Variants in PCDHGA6 observed in about 807,000 individuals in gnomAD.
PCDHGA6 encodes protocadherin gamma subfamily A, 6.
In PCDHGA6, 41 loss-of-function variants were observed where a neutral mutation model predicts 60.6. The observed-to-expected ratio is 0.68, with a 90% CI of 0.53 to 0.88. The LOEUF is 0.88. Ranked by LOEUF, PCDHGA6 falls within the 40% of genes least tolerant of loss-of-function variation. PCDHGA6 has a pLI of 0.00. For missense variants in PCDHGA6, 1,312 were observed against 1,203.0 expected, an observed-to-expected ratio of 1.09 and a Z score of -1.34; for synonymous variants, 594 against 524.4, an observed-to-expected ratio of 1.13 and a Z score of -1.81.
rs778960850 is a variant in PCDHGA6, at chr5:141,389,261, G to A, written c.2424+12754G>A. 2.0e-5 allele frequency: 32 copies of A among 1,613,890 alleles called. No homozygotes were observed. The East Asian group carries it at 7.1e-4, about 36-fold the overall frequency. ...CACAGTCTTCCTATATAGTCCACGT[G>A]GCCGAGAACAACCCGCCTGGAGCCT... On this transcript the variant is annotated intron_variant, in intron 1 of 3. Coordinates refer to ENST00000517434, the MANE Select transcript of PCDHGA6 (RefSeq NM_018919.3).
intron 1 of PCDHGA6, chr5:141,388,093 C>T: frequency 7.3e-7 from 1 of 1,371,560 alleles, no homozygotes; most frequent in South Asian, 1.3e-5. Context: ...CGCGTCAGTT[C>T]GGAGAAGCCT....
intron 1 of PCDHGA6, chr5:141,409,054 T>TA: frequency 6.2e-7 from 1 of 1,614,028 alleles, no homozygotes; most frequent in African/African-American, 1.3e-5. Flanking sequence ...TCCGAAGCAC[T>TA]GCCCAGAGCA....
At chr5:141,414,290 T>C (rs781378958) in intron 1 of PCDHGA6, 1 of 1,613,272 alleles carries the variant, frequency 6.2e-7, no homozygotes, top group Admixed American at 1.7e-5. Context: ...GTCGTAGCCC[T>C]TTTAAATGTG....
rs1308930168 is a variant in PCDHGA6, at chr5:141,489,620, A to G, written c.2425-5187A>G. 2.5e-6 allele frequency: 4 copies of G among 1,614,058 alleles called. No individual in the cohort carries two copies. Among genetic ancestry groups the G allele is most frequent in the South Asian group, 2.2e-5 (2 of 91,072 alleles). The stretch of plus-strand genomic sequence containing the variant: ...GTAGAGGTAGAGATCCTGGATCTCA[A>G]TGACAACTCTCCTAGCTTTGCCACC... On this transcript the variant is annotated intron_variant, in intron 1 of 3. Transcript: ENST00000517434. This position sits in a 1 kb window ranked among gnomAD's most constrained non-coding sequence, Gnocchi z 4.5.
intron 1 of PCDHGA6, among the ~76,000 whole-genome samples, chr5:141,438,702 C>A (rs1217378337): frequency 5.7e-5 from 8 of 140,876 alleles, no homozygotes; most frequent in Non-Finnish European, 4.6e-5. Flanking sequence ...GCTCTGTCAC[C>A]CAGGCTGGAG....
chr5:141,398,557 G>A, intron 1 of PCDHGA6: 1 of 1,613,916 alleles, frequency 6.2e-7, no homozygotes. Flanking sequence ...GCAAATAAGT[G>A]AGTCTGCACA....
intron 1 of PCDHGA6, chr5:141,399,783 C>T: frequency 6.2e-7 from 1 of 1,613,300 alleles, no homozygotes; most frequent in Non-Finnish European, 8.5e-7. Context: ...GCGACCGAAA[C>T]GACAACGCAC....
intron 2 of PCDHGA6, among the ~76,000 whole-genome samples, chr5:141,496,775 GCAGGGCC>G (rs1025427712): frequency 6.6e-6 from 1 of 152,038 alleles, no homozygotes; most frequent in Non-Finnish European, 1.5e-5. Flanking sequence ...TCTACTATGA[GCAGGGCC>G]CTGTGCTAAA....
At chr5:141,481,913 CA>C (rs34114744) in intron 1 of PCDHGA6, among the ~76,000 whole-genome samples, 39,195 of 90,872 alleles carry the variant, frequency 0.43, 5,902 homozygotes, top group Admixed American at 0.51. Flanking sequence ...AACTCCATCT[CA>C]AAAAAAAAAA....
chr5:141,432,992 G>A lies in PCDHGA6; in HGVS notation c.2424+56485G>A, dbSNP rs777975384. On this transcript the variant is annotated intron_variant, in intron 1 of 3. Coordinates refer to ENST00000517434, the MANE Select transcript of PCDHGA6 (RefSeq NM_018919.3). The surrounding 1 kb of genome is among the most constrained non-coding windows in gnomAD (Gnocchi z 6.0). The stretch of plus-strand genomic sequence containing the variant: ...GGCGTCGCACTTTGTGGGCGTGGAC[G>A]GGGTGCAGGCTTTCCTGCAGACCTA... 1.9e-6 allele frequency: 3 copies of A among 1,614,174 alleles called. No homozygotes were observed. In the Admixed American group the frequency reaches 5.0e-5, roughly 27 times the overall value.
rs114669158 is a variant in PCDHGA6 at position 141,511,003 on chromosome 5, G to A, written c.2629G>A (p.Ala877Thr). The change falls in exon 4 of 4, where the codon GCC (alanine) becomes ACC (threonine). Residue 877 changes from alanine to threonine, a missense_variant. Physicochemically the swap from Ala to Thr is moderately conservative, Grantham distance 58 (BLOSUM62 0). Coordinates refer to ENST00000517434, the MANE Select transcript of PCDHGA6 (RefSeq NM_018919.3). Reference protein sequence around the residue: ...GGGAGTMGLSARYGPQFTLQH... With the variant: ...GGGAGTMGLSTRYGPQFTLQH... ...GGGTGCCGGCACCATGGGATTGAGCGCCCGCTACGGACCCCAGTTCACCCT... is the reference window on the plus strand; with the variant it reads ...GGGTGCCGGCACCATGGGATTGAGCACCCGCTACGGACCCCAGTTCACCCT... The A allele has an allele frequency of 1.0e-4, 163 of 1,614,148 alleles. 1 individual carries two copies. The highest frequency in any genetic ancestry group is 9.5e-5 in the Non-Finnish European group (112 of 1,180,012).
rs139156138 is a variant in PCDHGA6 at position 141,472,179 on chromosome 5, T to C, written c.2425-22628T>C. 5.1e-4 allele frequency among the ~76,000 whole-genome samples: 77 copies of C among 152,246 alleles called. 4 individuals are homozygous for C. The East Asian group carries it at 0.014, about 27-fold the overall frequency. On this transcript the variant is annotated intron_variant, in intron 1 of 3. Coordinates refer to ENST00000517434, the MANE Select transcript of PCDHGA6 (RefSeq NM_018919.3). ...TAGCTACTAGGTGTAATATCCAGTATTGGAATTTGAATCTTTTTGACACTA... is the reference window on the plus strand; with the variant it reads ...TAGCTACTAGGTGTAATATCCAGTACTGGAATTTGAATCTTTTTGACACTA...
At chr5:141,446,669 C>T (rs554578186) in intron 1 of PCDHGA6, among the ~76,000 whole-genome samples, 2 of 152,182 alleles carry the variant, frequency 1.3e-5, no homozygotes, top group Admixed American at 1.3e-4. Flanking sequence ...TACAAGACAG[C>T]ATTTCACCAT....
chr5:141,468,315 C>T (rs1197043569), intron 1 of PCDHGA6: 4 of 120,552 alleles, frequency 3.3e-5, no homozygotes, highest in Non-Finnish European at 5.0e-5. Context: ...ACAAGAGCAA[C>T]GGTAAACTCC....
At chr5:141,433,272 C>A in intron 1 of PCDHGA6, 1 of 1,252,410 alleles carries the variant, frequency 8.0e-7, no homozygotes, top group Non-Finnish European at 1.1e-6. Context: ...TAGCTCACTG[C>A]AGCCTCAAAC....
chr5:141,409,591 G>A (rs72790040), intron 1 of PCDHGA6: 42,493 of 1,613,766 alleles, frequency 0.026, 744 homozygotes, highest in East Asian at 0.041. Context: ...ACGTGGCCGA[G>A]AACAACCCGC....
chr5:141,414,900 T>C (rs1402776790), intron 1 of PCDHGA6: 5 of 1,614,170 alleles, frequency 3.1e-6, no homozygotes, highest in Middle Eastern at 1.6e-4. Flanking sequence ...CCACAGACGG[T>C]TCCACAGGCG....
At chr5:141,392,732 T>C in intron 1 of PCDHGA6, 1 of 1,414,588 alleles carries the variant, frequency 7.1e-7, no homozygotes. Context: ...AGGATTGTCA[T>C]CTCCATAGCT....
At chr5:141,405,004 G>A in intron 1 of PCDHGA6, 1 of 1,613,960 alleles carries the variant, frequency 6.2e-7, no homozygotes, top group South Asian at 1.1e-5. Flanking sequence ...CTGCAGACCT[G>A]GAGGCCTCAG....
Sources: gnomAD v4.1 joint callset for allele counts (sites outside exome capture counted in the v4.1 genomes callset) on GRCh38, gnomAD v4.1.1 for gene constraint, Gnocchi (gnomAD v3.1) non-coding constraint, MANE v1.5 for transcripts, NCBI Gene and HGNC (gene_info 2026-07-23, HGNC 2026-07-21) for gene names.